DPP6: variants seen among roughly 807,000 people sequenced by gnomAD.
DPP6 encodes dipeptidyl peptidase like 6.
A neutral mutation model predicts 122.6 loss-of-function variants in DPP6; 69 were observed. The ratio of observed to expected loss-of-function variants is 0.56; its 90% CI spans 0.46 to 0.69. The LOEUF is 0.69. DPP6 is among the 30% of genes least tolerant of loss of function. The probability of loss-of-function intolerance (pLI) is 0.00; values close to 1 mark genes in which losing one functional copy is unlikely to be tolerated. For missense variants in DPP6, 928 were observed against 1,116.9 expected (o/e 0.83, Z 2.41); for synonymous variants, 418 against 433.1 (o/e 0.97, Z 0.43).
chr7:154,480,260 G>A lies in DPP6; in HGVS notation c.457+5223G>A, dbSNP rs373757846. Among the ~76,000 whole-genome samples, 3 of 152,034 alleles carry A rather than the reference G, an allele frequency of 2.0e-5. No homozygotes were observed. In the South Asian group the frequency reaches 6.2e-4, roughly 32 times the overall value. On this transcript the variant is annotated intron_variant, in intron 3 of 25. Transcript: ENST00000377770. ...CTGCCTGGCTCGGCCTGGCTTCCCTGTTCCCCTTTGCAGCCTGAAGCAGTC... is the reference window on the plus strand; with the variant it reads ...CTGCCTGGCTCGGCCTGGCTTCCCTATTCCCCTTTGCAGCCTGAAGCAGTC...
chr7:153,791,158 G>A, the DPP6 span, among the ~76,000 whole-genome samples: 1 of 152,064 alleles, frequency 6.6e-6, no homozygotes, highest in African/African-American at 2.4e-5. Context: ...ATTTTTGTTG[G>A]GGTTTCATTG....
chr7:154,335,416 T>C (rs976276433), intron 1 of DPP6, among the ~76,000 whole-genome samples: 2 of 152,236 alleles, frequency 1.3e-5, no homozygotes, highest in Non-Finnish European at 2.9e-5. Flanking sequence ...TTGCCACTTA[T>C]GGGTTGTATA....
At chr7:154,324,843 C>A (rs1368828701) in intron 1 of DPP6, among the ~76,000 whole-genome samples, 2 of 146,850 alleles carry the variant, frequency 1.4e-5, no homozygotes, top group Admixed American at 6.9e-5. Context: ...TCTTTTCTTT[C>A]TTTCTTTCTT....
chr7:154,312,209 C>A (rs1022504020), intron 1 of DPP6, among the ~76,000 whole-genome samples: 1 of 152,134 alleles, frequency 6.6e-6, no homozygotes, highest in African/African-American at 2.4e-5. Flanking sequence ...CCTGTTGCTG[C>A]TTTCTGCTTT....
At chr7:154,872,893 C>T (rs1487161903) in intron 19 of DPP6, among the ~76,000 whole-genome samples, 200 bp downstream of exon 19, 1 of 152,222 alleles carries the variant, frequency 6.6e-6, no homozygotes, top group Non-Finnish European at 1.5e-5. Flanking sequence ...AAAGTGGGTG[C>T]TGTGTACCCA....
At chr7:154,209,594 G>T (rs1799631541) in intron 1 of DPP6, among the ~76,000 whole-genome samples, 2 of 151,276 alleles carry the variant, frequency 1.3e-5, no homozygotes, top group Middle Eastern at 3.4e-3. Context: ...AAAAGATCCA[G>T]TGATACCAAG....
At chr7:154,510,012 TATG>T (rs894687740) in intron 3 of DPP6, among the ~76,000 whole-genome samples, 3 of 152,168 alleles carry the variant, frequency 2.0e-5, no homozygotes, top group African/African-American at 7.2e-5. Flanking sequence ...TAAAATTAAT[TATG>T]ATGGTGGGTG....
intron 2 of DPP6, among the ~76,000 whole-genome samples, chr7:154,472,051 G>A (rs998603272): frequency 2.0e-5 from 3 of 152,178 alleles, no homozygotes; most frequent in Non-Finnish European, 4.4e-5. Flanking sequence ...TGTGGGGATT[G>A]ACCTAGAAGC....
intron 5 of DPP6, among the ~76,000 whole-genome samples, chr7:154,629,788 T>C (rs1054126605): frequency 6.6e-6 from 1 of 152,190 alleles, no homozygotes; most frequent in Non-Finnish European, 1.5e-5. Flanking sequence ...AGACCATCCA[T>C]CCTCATACAT....
intron 1 of DPP6, among the ~76,000 whole-genome samples, chr7:153,950,622 C>T (rs1216324965): frequency 1.3e-5 from 2 of 152,122 alleles, no homozygotes; most frequent in Non-Finnish European, 2.9e-5. Flanking sequence ...ATTGGCAGCC[C>T]CTTAGGCGGT....
At chr7:154,712,928 A>G (rs6975645) in intron 7 of DPP6, among the ~76,000 whole-genome samples, 114,870 of 152,080 alleles carry the variant, frequency 0.76, 45,465 homozygotes, top group Non-Finnish European at 0.88. Context: ...TCAAAAGTCC[A>G]AGTCCAAAGT....
At chr7:154,680,718 A>G (rs942662931) in intron 7 of DPP6, among the ~76,000 whole-genome samples, 3 of 152,088 alleles carry the variant, frequency 2.0e-5, no homozygotes, top group African/African-American at 7.2e-5. Context: ...AAAGAGAAGA[A>G]AATGTATTGT....
chr7:154,532,567 A>G (rs1217065492), intron 3 of DPP6, among the ~76,000 whole-genome samples: 2 of 152,096 alleles, frequency 1.3e-5, no homozygotes, highest in Admixed American at 1.3e-4. Flanking sequence ...AAAGGTCAAT[A>G]AAATTGGTAA....
Position 154,668,219 on chromosome 7 carries a change from A to ATATATATATATATATATATATATATAT in DPP6, c.681-1141_681-1140insTATATATATATATATATATATATATAT, listed in dbSNP as rs1554430259. ...ATTTTATATATATATATATATATAT[A>ATATATATATATATATATATATATATAT]ATATACACATTTTTTTTTCAAGACA... On this transcript the variant is annotated intron_variant, in intron 6 of 25. Coordinates refer to ENST00000377770, the MANE Select transcript of DPP6 (RefSeq NM_130797.4). Among the ~76,000 whole-genome samples, 29 of 54,372 alleles carry ATATATATATATATATATATATATATAT rather than the reference A, an allele frequency of 5.3e-4. 1 individual carries two copies. The highest frequency in any genetic ancestry group is 0.015 in the Middle Eastern group (1 of 68). 35.7% of individuals were successfully genotyped at this position (54,372 alleles called of 152,430 possible).
the DPP6 span, among the ~76,000 whole-genome samples, chr7:153,822,013 T>C: frequency 6.6e-6 from 1 of 152,112 alleles, no homozygotes; most frequent in Non-Finnish European, 1.5e-5. Context: ...TTCCCAACTC[T>C]CCCTCTCCAT....
chr7:154,838,853 G>A (rs752612736), intron 16 of DPP6: 12 of 152,208 alleles, frequency 7.9e-5, no homozygotes, highest in Non-Finnish European at 1.5e-4. Flanking sequence ...GAAGACTGGC[G>A]CGCAGGAATG....
chr7:154,044,911 C>G (rs1316839042), intron 1 of DPP6, among the ~76,000 whole-genome samples: 2 of 146,442 alleles, frequency 1.4e-5, no homozygotes, highest in Non-Finnish European at 3.0e-5. Flanking sequence ...GCTTTTTTTT[C>G]TTTGCAGTTC....
chr7:154,060,601 C>A lies in DPP6; in HGVS notation c.243+7538C>A, dbSNP rs1450192310. 2.4e-5 allele frequency among the ~76,000 whole-genome samples: 3 copies of A among 125,760 alleles called. No individual in the cohort carries two copies. In the Admixed American group the frequency reaches 2.4e-4, roughly 10 times the overall value. The allele number at this position is 125,760 out of a possible 152,430, so 82.5% of individuals were successfully genotyped here. On this transcript the variant is annotated intron_variant, in intron 1 of 25. Transcript: ENST00000377770. ...GTGGGATTACTGAGAGCCAGTCCCTCTTCCCCCCCCTGGCTCTGAGGACCC... is the reference window on the plus strand; with the variant it reads ...GTGGGATTACTGAGAGCCAGTCCCTATTCCCCCCCCTGGCTCTGAGGACCC...
At chr7:154,377,695 A>G (rs575075493) in intron 1 of DPP6, among the ~76,000 whole-genome samples, 22 of 151,722 alleles carry the variant, frequency 1.5e-4, no homozygotes, top group African/African-American at 4.9e-4. Flanking sequence ...ACCTTCCACC[A>G]TGATTGTAAG....
Sources: allele counts gnomAD v4.1 joint callset (sites outside exome capture counted in the v4.1 genomes callset), GRCh38; gene constraint gnomAD v4.1.1; transcripts MANE v1.5; gene names NCBI Gene and HGNC (gene_info 2026-07-23, HGNC 2026-07-21).